Variants in DNM2 observed in about 807,000 individuals in gnomAD.
DNM2 encodes the protein dynamin-2.
DNM2 carries 15 observed loss-of-function variants against 99.0 expected under a neutral mutation model. The ratio of observed to expected loss-of-function variants is 0.15; its 90% confidence interval spans 0.10 to 0.23. The LOEUF is 0.23. Among genes scored for constraint, DNM2 ranks in the 10% least tolerant of loss-of-function variants. DNM2 has a pLI of 1.00. For missense variants in DNM2, 742 were observed against 1,189.4 expected (o/e 0.62, Z 5.53); for synonymous variants, 525 against 481.2 (o/e 1.09, Z -1.19).
intron 10 of DNM2, 110 bp from the exon 11 acceptor site, chr19:10,798,376 C>T: frequency 3.6e-6 from 2 of 552,464 alleles, no homozygotes; most frequent in South Asian, 3.5e-5. Flanking sequence ...TCGGTGGGCC[C>T]CCTCATATCT....
chr19:10,740,409 T>A (rs1328837121), intron 1 of DNM2, among the ~76,000 whole-genome samples: 2 of 151,758 alleles, frequency 1.3e-5, no homozygotes, highest in African/African-American at 4.8e-5. Flanking sequence ...GGAGTCTCGC[T>A]CTGTCGCCCA....
intron 1 of DNM2, among the ~76,000 whole-genome samples, chr19:10,723,493 C>T (rs536060981): frequency 6.6e-6 from 1 of 152,216 alleles, no homozygotes; most frequent in African/African-American, 2.4e-5. Context: ...GTTCCAAACT[C>T]CTGACCTCAA....
In DNM2 at chr19:10,718,135, G is replaced by A; in HGVS notation, c.-108G>A. ...GAGCCGGGAGCGGGCGTCTTGCCGA[G>A]GCCCGGGCGGGCGGGGAGCAACGGC... On this transcript the variant is annotated 5_prime_UTR_variant, in exon 1 of 21. Transcript: ENST00000389253. 8.3e-7 allele frequency: 1 copy of A among 1,197,916 alleles called. No individual in the cohort carries two copies. The highest frequency in any genetic ancestry group is 2.9e-5 in the South Asian group (1 of 34,240). The allele number at this position is 1,197,916 out of a possible 1,614,324, so 74.2% of individuals were successfully genotyped here. A position where few individuals can be genotyped will look rare whatever the true frequency, so the allele number is the denominator to read the frequency against.
chr19:10,759,046 A>G (rs1235075905), intron 1 of DNM2, among the ~76,000 whole-genome samples: 19 of 151,554 alleles, frequency 1.3e-4, no homozygotes, highest in Admixed American at 1.2e-3. Context: ...GGCTCATGCC[A>G]TCCTCCTCTC....
Position 10,830,211 on chromosome 19 carries a change from C to A in DNM2, c.2376C>A (p.Pro792=), listed in dbSNP as rs781478890. ...TGAGGGGCCCCACTCCAGGGCCCCC[C>A]CTGATTCCTGTTCCCGTGGGGGCAG... ...PAVRGPTPGP[P]LIPVPVGAAA... Residue 792 remains proline (P), a synonymous_variant, in exon 20 of 21, where the codon CCC becomes CCA. Transcript: ENST00000389253. The surrounding 1 kb of genome is among the most constrained non-coding windows in gnomAD (Gnocchi z 4.8). 5 of 1,613,806 alleles carry A rather than the reference C, an allele frequency of 3.1e-6. No individual in the cohort carries two copies. The African/African-American group carries it at 5.3e-5, about 17-fold the overall frequency.
chr19:10,798,127 C>T (rs973984870), intron 10 of DNM2, among the ~76,000 whole-genome samples: 1 of 152,184 alleles, frequency 6.6e-6, no homozygotes, highest in Admixed American at 6.5e-5. Context: ...CTCACGCTGG[C>T]GAGGCCCTTC....
intron 7 of DNM2, among the ~76,000 whole-genome samples, chr19:10,789,979 T>C (rs910800157): frequency 3.3e-5 from 5 of 152,272 alleles, no homozygotes; most frequent in African/African-American, 9.6e-5. Flanking sequence ...CCAGTTGCCT[T>C]GCAGGGCCCT....
chr19:10,792,676 C>T (rs2071794943), intron 7 of DNM2, among the ~76,000 whole-genome samples: 2 of 151,978 alleles, frequency 1.3e-5, no homozygotes. Context: ...GGTGCGATCT[C>T]GGCTCACTGC....
At chr19:10,730,764 C>T (rs574107530) in intron 1 of DNM2, among the ~76,000 whole-genome samples, 109 of 152,332 alleles carry the variant, frequency 7.2e-4, no homozygotes, top group African/African-American at 2.6e-3. Flanking sequence ...AGCGTCCCCT[C>T]CAGGGTGGGA....
intron 2 of DNM2, among the ~76,000 whole-genome samples, chr19:10,766,520 C>T (rs997085652): frequency 1.3e-5 from 2 of 152,056 alleles, no homozygotes; most frequent in African/African-American, 4.8e-5. Flanking sequence ...CACAGTGGGG[C>T]CCCAGTTGGG....
At chr19:10,806,036 C>A in intron 13 of DNM2, 69 bp downstream of exon 13, 1 of 1,599,290 alleles carries the variant, frequency 6.3e-7, no homozygotes, top group Non-Finnish European at 8.6e-7. Context: ...CAGCTAAGCC[C>A]CCGTGATGGA....
At chr19:10,749,996 G>A (rs1193316793) in intron 1 of DNM2, among the ~76,000 whole-genome samples, 1 of 152,214 alleles carries the variant, frequency 6.6e-6, no homozygotes, top group East Asian at 1.9e-4. Context: ...GGTGGGGCTG[G>A]GGAACCCGGT....
intron 19 of DNM2, 94 bp downstream of exon 19, chr19:10,829,362 A>G: frequency 6.8e-7 from 1 of 1,481,086 alleles, no homozygotes; most frequent in South Asian, 1.2e-5. Context: ...GAAACAGGAC[A>G]CAGCCCAAGG....
chr19:10,790,918 G>A (rs1190254214), intron 7 of DNM2, among the ~76,000 whole-genome samples: 1 of 151,876 alleles, frequency 6.6e-6, no homozygotes. Flanking sequence ...ACAGGTATGC[G>A]CCACCATGCC....
chr19:10,831,367 C>G lies in DNM2; in HGVS notation c.*320C>G. 1 of 1,122,948 alleles carries G rather than the reference C, an allele frequency of 8.9e-7. No individual in the cohort carries two copies. Among genetic ancestry groups the G allele is most frequent in the Non-Finnish European group, 1.1e-6 (1 of 917,760 alleles). The allele number at this position is 1,122,948 out of a possible 1,614,324, so 69.6% of individuals were successfully genotyped here. On this transcript the variant is annotated 3_prime_UTR_variant, in exon 21 of 21. Transcript: ENST00000389253. The surrounding 1 kb of genome is among the most constrained non-coding windows in gnomAD (Gnocchi z 4.3). ...GGGTCCAGCCTGGGGGGGACTCTAC[C>G]AAGGTCTTCTTGGGCTGGGAAAGCC...
chr19:10,766,225 T>G (rs1249224721), intron 2 of DNM2, among the ~76,000 whole-genome samples: 1 of 152,214 alleles, frequency 6.6e-6, no homozygotes, highest in African/African-American at 2.4e-5. Context: ...CATTTCAAAA[T>G]TCTTAAGTAG....
At chr19:10,719,690 C>T (rs1381931550) in intron 1 of DNM2, among the ~76,000 whole-genome samples, 1 of 152,190 alleles carries the variant, frequency 6.6e-6, no homozygotes, top group Non-Finnish European at 1.5e-5. Context: ...ATGATAACAT[C>T]CTCCTCCTGT....
rs369843334 is a variant in DNM2 at position 10,772,570 on chromosome 19, G to A, written c.327G>A (p.Thr109=). Residue 109 remains threonine, a synonymous_variant, in exon 3 of 21, where the codon ACG becomes ACA. Coordinates refer to ENST00000389253, the MANE Select transcript of DNM2 (RefSeq NM_001005361.3). This position sits in a 1 kb window ranked among gnomAD's most constrained non-coding sequence, Gnocchi z 4.9. ...QEIEAETDRV[T]GTNKGISPVP... is the part of the protein sequence containing the mutation. ...TTGAAGCAGAGACCGACAGGGTCACGGGGACCAACAAAGGCATCTCCCCAG... is the reference window on the plus strand; with the variant it reads ...TTGAAGCAGAGACCGACAGGGTCACAGGGACCAACAAAGGCATCTCCCCAG... The A allele has an allele frequency of 1.1e-5, 18 of 1,614,004 alleles. No individual in the cohort carries two copies. Among genetic ancestry groups the A allele is most frequent in the Middle Eastern group, 3.3e-4 (2 of 6,084 alleles).
At chr19:10,774,986 G>A (rs2145921648) in intron 3 of DNM2, among the ~76,000 whole-genome samples, 1 of 151,932 alleles carries the variant, frequency 6.6e-6, no homozygotes, top group Non-Finnish European at 1.5e-5. Flanking sequence ...GCCCAGGCTG[G>A]TTTCGAACTC....
Sources: allele counts gnomAD v4.1 joint callset (sites outside exome capture counted in the v4.1 genomes callset), GRCh38; gene constraint gnomAD v4.1.1; non-coding constraint Gnocchi (gnomAD v3.1); transcripts MANE v1.5; gene names NCBI Gene and HGNC (gene_info 2026-07-23, HGNC 2026-07-21).